Variants in ANKS1B observed in about 807,000 individuals in gnomAD.
ANKS1B encodes the protein ankyrin repeat and sterile alpha motif domain-containing protein 1B.
Under a neutral mutation model 148.3 loss-of-function variants are expected in ANKS1B, and 36 were observed. That is an observed-to-expected ratio of 0.24 (90% CI 0.19 to 0.32). ANKS1B has a LOEUF of 0.32. ANKS1B is among the 10% of genes least tolerant of loss of function. The pLI is 1.00. For synonymous variants in ANKS1B, 542 were observed against 560.8 expected, an observed-to-expected ratio of 0.97 and a Z score of 0.47; for missense variants, 1,157 against 1,542.6, an observed-to-expected ratio of 0.75 and a Z score of 4.19.
chr12:99,355,678 T>G (rs1233313406), intron 12 of ANKS1B, among the ~76,000 whole-genome samples: 1 of 152,196 alleles, frequency 6.6e-6, no homozygotes, highest in Non-Finnish European at 1.5e-5. Context: ...CTAATAACTC[T>G]GCTTTCATGC....
At chr12:99,755,384 A>G (rs1036240703) in intron 8 of ANKS1B, among the ~76,000 whole-genome samples, 2 of 152,058 alleles carry the variant, frequency 1.3e-5, no homozygotes, top group Non-Finnish European at 2.9e-5. Context: ...GCCCAGGACC[A>G]GAAAGATTCA....
chr12:99,062,182 A>G (rs560187188), intron 16 of ANKS1B, among the ~76,000 whole-genome samples: 3 of 152,340 alleles, frequency 2.0e-5, no homozygotes, highest in Non-Finnish European at 4.4e-5. Context: ...CCTCGAGCAA[A>G]TCACTCATAC....
At chr12:99,513,612 C>T (rs1340270931) in intron 9 of ANKS1B, among the ~76,000 whole-genome samples, 5 of 152,030 alleles carry the variant, frequency 3.3e-5, no homozygotes. Flanking sequence ...TTCCATATAT[C>T]CAGGCACTAA....
At chr12:99,766,061 C>T (rs1245315655) in intron 8 of ANKS1B, among the ~76,000 whole-genome samples, 1 of 152,188 alleles carries the variant, frequency 6.6e-6, no homozygotes, top group African/African-American at 2.4e-5. Flanking sequence ...AAAACCTCCA[C>T]TTTGGTCTCT....
At chr12:99,230,661 A>G (rs756123495) in intron 14 of ANKS1B, among the ~76,000 whole-genome samples, 3 of 152,158 alleles carry the variant, frequency 2.0e-5, no homozygotes, top group Non-Finnish European at 2.9e-5. Flanking sequence ...TTTAAACACT[A>G]GTTAGAATGT....
At chr12:98,764,697 T>G (rs1306282695) in intron 25 of ANKS1B, among the ~76,000 whole-genome samples, 2 of 152,230 alleles carry the variant, frequency 1.3e-5, no homozygotes, top group Admixed American at 1.3e-4. Flanking sequence ...GATGCCTACC[T>G]GATACCCTGA....
At chr12:99,474,149 G>A (rs945971654) in intron 10 of ANKS1B, among the ~76,000 whole-genome samples, 36 of 151,932 alleles carry the variant, frequency 2.4e-4, no homozygotes, top group Non-Finnish European at 4.3e-4. Flanking sequence ...CTGTTTTCAC[G>A]CAGAGATTAA....
intron 15 of ANKS1B, among the ~76,000 whole-genome samples, chr12:99,133,401 A>G (rs1433260739): frequency 1.3e-5 from 2 of 152,102 alleles, no homozygotes; most frequent in African/African-American, 2.4e-5. Context: ...GGCAATATTT[A>G]GTGTTAACCC....
intron 12 of ANKS1B, among the ~76,000 whole-genome samples, chr12:99,388,317 C>A (rs4335638): frequency 5.3e-5 from 8 of 151,932 alleles, no homozygotes; most frequent in Non-Finnish European, 8.8e-5. Flanking sequence ...AATTTAGTAC[C>A]TATTAAAGTA....
At position 99,438,164 on chromosome 12, in the gene ANKS1B, T is replaced by C. The variant is rs17029454; in HGVS notation, c.1575+5509A>G. Among the ~76,000 whole-genome samples, 610 of 152,034 alleles carry C rather than the reference T, an allele frequency of 4.0e-3. 4 individuals are homozygous for C. Among genetic ancestry groups the C allele is most frequent in the East Asian group, 0.027 (139 of 5,164 alleles). On this transcript the variant is annotated intron_variant, in intron 11 of 26. Coordinates refer to ENST00000683438, the MANE Select transcript of ANKS1B (RefSeq NM_001352186.2). ...GCTAAAGACTTCTTTCTAAAGTACA[T>C]GTGAGGAAATCACTTAAGTTCCTGG...
At chr12:98,928,916 T>C (rs925878607) in intron 17 of ANKS1B, among the ~76,000 whole-genome samples, 4 of 152,020 alleles carry the variant, frequency 2.6e-5, no homozygotes, top group African/African-American at 9.7e-5. Context: ...CTATTCAATA[T>C]AGTATTGGGG....
chr12:99,557,179 G>A (rs562754965), intron 9 of ANKS1B, among the ~76,000 whole-genome samples: 1 of 152,048 alleles, frequency 6.6e-6, no homozygotes, highest in Non-Finnish European at 1.5e-5. Flanking sequence ...TATCTCACAG[G>A]GTTTCTCTGC....
At chr12:98,953,549 T>G (rs952698099) in intron 17 of ANKS1B, among the ~76,000 whole-genome samples, 6 of 138,958 alleles carry the variant, frequency 4.3e-5, no homozygotes, top group Non-Finnish European at 9.2e-5. Context: ...TTTTTTTTTT[T>G]TTTTTTTTTT....
intron 14 of ANKS1B, among the ~76,000 whole-genome samples, chr12:99,243,467 G>A (rs2089724393): frequency 6.6e-6 from 1 of 152,204 alleles, no homozygotes; most frequent in Non-Finnish European, 1.5e-5. Context: ...AAGACAGTGT[G>A]GCGATTCCTC....
chr12:99,070,373 A>G (rs1207383742), intron 16 of ANKS1B, among the ~76,000 whole-genome samples: 1 of 152,146 alleles, frequency 6.6e-6, no homozygotes, highest in African/African-American at 2.4e-5. Flanking sequence ...GGGAAGGAAG[A>G]ATAGTAACTA....
At chr12:98,894,189 T>C (rs1452848648) in intron 17 of ANKS1B, among the ~76,000 whole-genome samples, 1 of 152,198 alleles carries the variant, frequency 6.6e-6, no homozygotes, top group African/African-American at 2.4e-5. Context: ...CTATTCTTCC[T>C]GCTATTCCTT....
intron 17 of ANKS1B, among the ~76,000 whole-genome samples, chr12:98,894,156 C>T (rs1596421224): frequency 1.3e-5 from 2 of 152,332 alleles, no homozygotes; most frequent in South Asian, 2.1e-4. Context: ...AGGGAGCACA[C>T]TCCACACCAA....
At chr12:99,147,497 C>T (rs2073541925) in intron 15 of ANKS1B, among the ~76,000 whole-genome samples, 2 of 152,138 alleles carry the variant, frequency 1.3e-5, no homozygotes, top group South Asian at 4.1e-4. Flanking sequence ...CCATAGGTAA[C>T]TGAGAACCTT....
At chr12:98,738,095 G>A (rs1229049604) in intron 9 of ANKS1B, among the ~76,000 whole-genome samples, 8 of 152,102 alleles carry the variant, frequency 5.3e-5, no homozygotes, top group Admixed American at 5.2e-4. Context: ...TCACACGAGA[G>A]GGGCAGAAGA....
Sources: gnomAD v4.1 joint callset for allele counts (sites outside exome capture counted in the v4.1 genomes callset) on GRCh38, gnomAD v4.1.1 for gene constraint, MANE v1.5 for transcripts, NCBI Gene and HGNC (gene_info 2026-07-23, HGNC 2026-07-21) for gene names.